ABCC1: variants seen among roughly 807,000 people sequenced by gnomAD.
ABCC1 encodes multidrug resistance-associated protein 1.
Under a neutral mutation model 172.9 loss-of-function variants are expected in ABCC1, and 83 were observed. That is an observed-to-expected ratio of 0.48 (90% confidence interval 0.40 to 0.58). The LOEUF is 0.58. ABCC1 is among the 20% of genes least tolerant of loss of function. The probability of loss-of-function intolerance (pLI) is 0.00; values close to 1 mark genes in which losing one functional copy is unlikely to be tolerated. For missense variants in ABCC1, 1,817 were observed against 2,002.7 expected (o/e 0.91, Z 1.77); for synonymous variants, 937 against 825.2 (o/e 1.14, Z -2.32).
chr16:16,079,512 G>A (rs1004467511), intron 16 of ABCC1, 34 bp downstream of exon 16: 2 of 1,591,332 alleles, frequency 1.3e-6, no homozygotes, highest in Admixed American at 1.7e-5. Context: ...GGGCAGTGGG[G>A]AAGCTGGTGG....
chr16:16,064,582 C>A (rs1408606912), intron 12 of ABCC1, among the ~76,000 whole-genome samples: 4 of 152,226 alleles, frequency 2.6e-5, no homozygotes, highest in Non-Finnish European at 4.4e-5. Context: ...TGGTACTTGG[C>A]TCACCAAGGG....
intron 12 of ABCC1, among the ~76,000 whole-genome samples, chr16:16,059,688 A>G (rs1273871324): frequency 1.3e-5 from 2 of 151,944 alleles, no homozygotes; most frequent in Non-Finnish European, 1.5e-5. Context: ...ACCTGTGGTC[A>G]TAGCTACTCG....
chr16:15,994,494 A>G (rs2046985357), intron 1 of ABCC1, among the ~76,000 whole-genome samples: 1 of 152,152 alleles, frequency 6.6e-6, no homozygotes, highest in African/African-American at 2.4e-5. Flanking sequence ...GCCTGGCGTG[A>G]TCACTCTGGC....
intron 5 of ABCC1, among the ~76,000 whole-genome samples, chr16:16,020,108 G>A (rs375461137): frequency 1.3e-5 from 2 of 152,284 alleles, no homozygotes; most frequent in East Asian, 1.9e-4. Flanking sequence ...TTTTAGTAGA[G>A]ATGGGGTTTC....
At chr16:15,970,884 T>C (rs2046354809) in intron 1 of ABCC1, among the ~76,000 whole-genome samples, 1 of 152,196 alleles carries the variant, frequency 6.6e-6, no homozygotes, top group Non-Finnish European at 1.5e-5. Flanking sequence ...TGTGAGCCAT[T>C]ATACCTGGCC....
intron 26 of ABCC1, among the ~76,000 whole-genome samples, chr16:16,126,492 T>A (rs947156074): frequency 1.3e-5 from 2 of 152,178 alleles, no homozygotes; most frequent in African/African-American, 4.8e-5. Context: ...CAAGTAATTC[T>A]CCTGCCTCAG....
At chr16:15,968,226 G>C (rs1005708262) in intron 1 of ABCC1, among the ~76,000 whole-genome samples, 1 of 151,978 alleles carries the variant, frequency 6.6e-6, no homozygotes, top group East Asian at 1.9e-4. Context: ...GTAGAGACAG[G>C]GTTTGCTGTG....
intron 28 of ABCC1, among the ~76,000 whole-genome samples, chr16:16,134,751 C>T (rs1231364584): frequency 6.6e-6 from 1 of 151,870 alleles, no homozygotes; most frequent in African/African-American, 2.4e-5. Flanking sequence ...ATTCTCCCAC[C>T]CCAGCCTCCT....
At chr16:16,024,699 G>A (rs554049637) in intron 5 of ABCC1, among the ~76,000 whole-genome samples, 41 of 152,224 alleles carry the variant, frequency 2.7e-4, no homozygotes, top group African/African-American at 7.9e-4. Flanking sequence ...GCTGAGGAAA[G>A]GTTTTTCACC....
intron 12 of ABCC1, 149 bp from the exon 13 acceptor site, chr16:16,068,007 C>A (rs1883607515): frequency 1.4e-5 from 10 of 698,898 alleles, no homozygotes; most frequent in Non-Finnish European, 2.3e-5. Flanking sequence ...GTGCCAGATA[C>A]TGCCCCAGGT....
chr16:16,132,059 T>C, intron 27 of ABCC1, 124 bp downstream of exon 27: 1 of 1,245,304 alleles, frequency 8.0e-7, no homozygotes, highest in Non-Finnish European at 1.1e-6. Flanking sequence ...CTTGAATGGC[T>C]TTTTGGGGGG....
chr16:16,090,218 T>C lies in ABCC1; in HGVS notation c.2461-187T>C, dbSNP rs45593932. On this transcript the variant is annotated intron_variant, in intron 18 of 30. Coordinates refer to ENST00000399410, the MANE Select transcript of ABCC1 (RefSeq NM_004996.4). ...TGGCAGGCCCTTTGCACATGCATGT[T>C]ACAGGACCGTGTGCACAGGTTCAGC... is the stretch of plus-strand genomic sequence containing the variant. 3.3e-5 allele frequency among the ~76,000 whole-genome samples: 5 copies of C among 152,286 alleles called. No homozygotes were observed. The East Asian group carries it at 9.7e-4, about 29-fold the overall frequency.
At chr16:16,063,300 G>A (rs1325271033) in intron 12 of ABCC1, among the ~76,000 whole-genome samples, 1 of 151,994 alleles carries the variant, frequency 6.6e-6, no homozygotes, top group Non-Finnish European at 1.5e-5. Flanking sequence ...TAGAGATGGG[G>A]TTTCACCATG....
intron 5 of ABCC1, among the ~76,000 whole-genome samples, chr16:16,024,882 C>CAAAAACCAG (rs1441578371): frequency 1.3e-5 from 2 of 152,054 alleles, no homozygotes; most frequent in Non-Finnish European, 2.9e-5. Flanking sequence ...ACTACAGCAT[C>CAAAAACCAG]AAAAACCAGA....
chr16:16,136,715 A>C, intron 29 of ABCC1, 71 bp downstream of exon 29: 1 of 1,532,296 alleles, frequency 6.5e-7, no homozygotes, highest in Non-Finnish European at 8.8e-7. Context: ...GTGTTTGAAG[A>C]TTCTGTCCAG....
intron 5 of ABCC1, 92 bp downstream of exon 5, chr16:16,016,713 A>T: frequency 1.3e-6 from 2 of 1,541,200 alleles, no homozygotes; most frequent in Admixed American, 3.7e-5. Flanking sequence ...TCCATCCAGG[A>T]TCTCGTTCCA....
chr16:15,992,525 G>T (rs1167804237), intron 1 of ABCC1, among the ~76,000 whole-genome samples: 1 of 151,442 alleles, frequency 6.6e-6, no homozygotes, highest in East Asian at 1.9e-4. Context: ...TCAGCCTCCT[G>T]GGTAGCTGGG....
chr16:16,058,707 A>G (rs952694247), intron 12 of ABCC1, among the ~76,000 whole-genome samples: 4 of 152,150 alleles, frequency 2.6e-5, no homozygotes, highest in Non-Finnish European at 4.4e-5. Flanking sequence ...TTGGATTGCT[A>G]TGGCACTATC....
chr16:16,038,168 TG>T (rs1567336821), intron 7 of ABCC1, among the ~76,000 whole-genome samples: 1 of 151,848 alleles, frequency 6.6e-6, no homozygotes, highest in African/African-American at 2.4e-5. Flanking sequence ...GATAGATAGA[TG>T]GATGATTGAT....
Sources: gnomAD v4.1 joint callset for allele counts (sites outside exome capture counted in the v4.1 genomes callset) on GRCh38, gnomAD v4.1.1 for gene constraint, MANE v1.5 for transcripts, NCBI Gene and HGNC (gene_info 2026-07-23, HGNC 2026-07-21) for gene names.